PPARGC1A: variants seen among roughly 807,000 people sequenced by gnomAD.
The protein encoded by PPARGC1A is peroxisome proliferator-activated receptor gamma coactivator 1-alpha.
PPARGC1A carries 25 observed loss-of-function variants against 88.7 expected under a neutral mutation model. The ratio of observed to expected loss-of-function variants is 0.28; its 90% confidence interval spans 0.21 to 0.39. PPARGC1A has a LOEUF of 0.39. Among genes scored for constraint, PPARGC1A ranks in the 10% least tolerant of loss-of-function variants. The pLI is 1.00. For missense variants in PPARGC1A, 880 were observed against 968.7 expected (o/e 0.91, Z 1.22); for synonymous variants, 363 against 355.6 (o/e 1.02, Z -0.24).
chr4:24,057,652 C>T, the PPARGC1A span, among the ~76,000 whole-genome samples: 1 of 152,162 alleles, frequency 6.6e-6, no homozygotes, highest in Non-Finnish European at 1.5e-5. Context: ...ATTAACACCA[C>T]GTGTGTACAT....
At chr4:24,018,380 A>G in the PPARGC1A span, among the ~76,000 whole-genome samples, 2 of 152,186 alleles carry the variant, frequency 1.3e-5, no homozygotes, top group Admixed American at 6.5e-5. Context: ...GATAAGTCAT[A>G]TTTTGAAAAT....
the PPARGC1A span, among the ~76,000 whole-genome samples, chr4:24,275,533 T>C: frequency 6.6e-6 from 1 of 152,188 alleles, no homozygotes; most frequent in African/African-American, 2.4e-5. Flanking sequence ...GCACGATAAT[T>C]GCTAGGGACA....
chr4:23,797,138 A>G (rs56687131), intron 12 of PPARGC1A, among the ~76,000 whole-genome samples: 1 of 152,162 alleles, frequency 6.6e-6, no homozygotes, highest in Non-Finnish European at 1.5e-5. Flanking sequence ...AGTTTTTTTC[A>G]GCAAGTTTTT....
chr4:24,162,701 C>G, the PPARGC1A span, among the ~76,000 whole-genome samples: 1 of 151,162 alleles, frequency 6.6e-6, no homozygotes, highest in Non-Finnish European at 1.5e-5. Flanking sequence ...AAGCAATTCT[C>G]CTTCTTCTGC....
intron 2 of PPARGC1A, among the ~76,000 whole-genome samples, chr4:23,868,234 A>G (rs1471711727): frequency 6.6e-6 from 1 of 151,832 alleles, no homozygotes; most frequent in Non-Finnish European, 1.5e-5. Flanking sequence ...ATGTCTCCCA[A>G]CTCCATATAT....
At chr4:24,368,899 A>G in the PPARGC1A span, among the ~76,000 whole-genome samples, 4 of 152,212 alleles carry the variant, frequency 2.6e-5, no homozygotes, top group East Asian at 7.7e-4. Flanking sequence ...GTTTCTTTCA[A>G]ACCATCTTAT....
the PPARGC1A span, among the ~76,000 whole-genome samples, chr4:24,385,457 G>T: frequency 3.3e-5 from 5 of 152,200 alleles, no homozygotes; most frequent in South Asian, 1.0e-3. Context: ...TCCAGGAGCT[G>T]GTTTTTTGAA....
chr4:24,426,616 G>A, the PPARGC1A span, among the ~76,000 whole-genome samples: 18 of 152,250 alleles, frequency 1.2e-4, no homozygotes, highest in African/African-American at 3.4e-4. Flanking sequence ...GATAATAACC[G>A]GCAGTGACCT....
At chr4:24,294,879 A>C in the PPARGC1A span, among the ~76,000 whole-genome samples, 1 of 152,202 alleles carries the variant, frequency 6.6e-6, no homozygotes, top group East Asian at 1.9e-4. Context: ...TGAGAGTAGC[A>C]GCTCCAACTA....
intron 2 of PPARGC1A, among the ~76,000 whole-genome samples, chr4:23,881,590 A>G (rs1028793920): frequency 6.6e-6 from 1 of 152,190 alleles, no homozygotes; most frequent in African/African-American, 2.4e-5. Flanking sequence ...ATATATCCCT[A>G]AATCCCACTT....
At chr4:24,058,067 C>T in the PPARGC1A span, among the ~76,000 whole-genome samples, 2 of 152,178 alleles carry the variant, frequency 1.3e-5, no homozygotes, top group Non-Finnish European at 2.9e-5. Context: ...AAACAGACAG[C>T]GAACTCTTGT....
At chr4:23,832,612 CTTTTT>C (rs570752359) in intron 2 of PPARGC1A, among the ~76,000 whole-genome samples, 61 of 131,834 alleles carry the variant, frequency 4.6e-4, no homozygotes, top group African/African-American at 1.7e-3. Flanking sequence ...TTTTCTTTTT[CTTTTT>C]TTTTTTTTTT....
At chr4:23,933,764 G>T in the PPARGC1A span, among the ~76,000 whole-genome samples, 1 of 152,162 alleles carries the variant, frequency 6.6e-6, no homozygotes, top group Non-Finnish European at 1.5e-5. Flanking sequence ...TCTTTGGAAG[G>T]CACTTTCACA....
the PPARGC1A span, among the ~76,000 whole-genome samples, chr4:24,351,320 CTG>C: frequency 6.7e-6 from 1 of 150,234 alleles, no homozygotes; most frequent in Non-Finnish European, 1.5e-5. Context: ...TCACTTGAGC[CTG>C]AGAGGTTGAG....
At chr4:24,396,756 G>A in the PPARGC1A span, among the ~76,000 whole-genome samples, 1 of 151,944 alleles carries the variant, frequency 6.6e-6, no homozygotes, top group Non-Finnish European at 1.5e-5. Context: ...CCTCTCCCTG[G>A]TACCCCTTCT....
chr4:24,147,030 T>A, the PPARGC1A span, among the ~76,000 whole-genome samples: 2 of 152,168 alleles, frequency 1.3e-5, no homozygotes, highest in African/African-American at 4.8e-5. Context: ...CATAAAGACT[T>A]GCTCAGTCTT....
intron 10 of PPARGC1A, among the ~76,000 whole-genome samples, chr4:23,809,829 G>T (rs189921277): frequency 1.3e-4 from 20 of 152,206 alleles, no homozygotes; most frequent in African/African-American, 4.8e-4. Flanking sequence ...GAAAATCTTT[G>T]TCCTTTCTCC....
chr4:23,956,157 C>T, the PPARGC1A span, among the ~76,000 whole-genome samples: 158 of 152,202 alleles, frequency 1.0e-3, 3 homozygotes, highest in Non-Finnish European at 7.9e-4. Flanking sequence ...ACAGACTACA[C>T]AAAAACAGCT....
At chr4:24,146,714 G>A in the PPARGC1A span, among the ~76,000 whole-genome samples, 1 of 152,200 alleles carries the variant, frequency 6.6e-6, no homozygotes, top group Admixed American at 6.5e-5. Context: ...CAGGTCAGAA[G>A]AGAGTTGGTT....
Sources: gnomAD v4.1 joint callset for allele counts (sites outside exome capture counted in the v4.1 genomes callset) on GRCh38, gnomAD v4.1.1 for gene constraint, MANE v1.5 for transcripts, NCBI Gene and HGNC (gene_info 2026-07-23, HGNC 2026-07-21) for gene names.